Variants in NRG3 observed in about 807,000 individuals in gnomAD.
NRG3 encodes neuregulin 3.
NRG3 carries 31 observed loss-of-function variants against 66.9 expected under a neutral mutation model. The observed-to-expected ratio is 0.46, with a 90% CI of 0.35 to 0.63. The LOEUF is 0.63. Among genes scored for constraint, NRG3 ranks in the 20% least tolerant of loss-of-function variants. NRG3 has a pLI of 0.00. For missense variants in NRG3, 910 were observed against 878.9 expected, an observed-to-expected ratio of 1.04 and a Z score of -0.45; for synonymous variants, 393 against 359.4, an observed-to-expected ratio of 1.09 and a Z score of -1.06.
chr10:82,112,895 G>A (rs1277501748), intron 1 of NRG3, among the ~76,000 whole-genome samples: 1 of 152,080 alleles, frequency 6.6e-6, no homozygotes, highest in African/African-American at 2.4e-5. Context: ...TATTCTGTGT[G>A]GTTTCATGTG....
intron 1 of NRG3, among the ~76,000 whole-genome samples, chr10:82,212,982 T>C (rs537843329): frequency 3.9e-5 from 6 of 152,338 alleles, no homozygotes; most frequent in Non-Finnish European, 5.9e-5. Context: ...GGTGGATTTC[T>C]ATGGTCTTTA....
chr10:82,955,666 C>T (rs749392262), intron 5 of NRG3, among the ~76,000 whole-genome samples: 10 of 151,802 alleles, frequency 6.6e-5, no homozygotes, highest in African/African-American at 9.7e-5. Flanking sequence ...AATGTAGACA[C>T]GGTAACAACC....
At chr10:82,149,797 A>G (rs1315589399) in intron 1 of NRG3, among the ~76,000 whole-genome samples, 2 of 151,828 alleles carry the variant, frequency 1.3e-5, no homozygotes, top group Non-Finnish European at 2.9e-5. Context: ...CATGTTTCAC[A>G]CACTGTCTTG....
At chr10:82,818,208 A>G (rs1404849306) in intron 3 of NRG3, among the ~76,000 whole-genome samples, 1 of 152,190 alleles carries the variant, frequency 6.6e-6, no homozygotes, top group East Asian at 1.9e-4. Context: ...CAGCGTTGCC[A>G]TGGCATTTGT....
intron 1 of NRG3, among the ~76,000 whole-genome samples, chr10:82,024,968 A>G (rs891635267): frequency 6.6e-6 from 1 of 152,080 alleles, no homozygotes; most frequent in Non-Finnish European, 1.5e-5. Flanking sequence ...GGAGCACAGC[A>G]TCCTTCAATC....
chr10:82,952,409 G>A (rs181477640), intron 5 of NRG3, among the ~76,000 whole-genome samples: 6 of 148,634 alleles, frequency 4.0e-5, no homozygotes, highest in East Asian at 2.0e-4. Context: ...CTGCAGCCTC[G>A]GGGACAGAGT....
chr10:81,980,338 T>A (rs1034770750), intron 1 of NRG3, among the ~76,000 whole-genome samples: 1 of 152,200 alleles, frequency 6.6e-6, no homozygotes, highest in African/African-American at 2.4e-5. Flanking sequence ...AACAGTCGTC[T>A]TGTCAGTTAA....
rs529385530 is a variant in NRG3 at position 82,329,437 on chromosome 10, G to GT, written c.824-29283dup. Reference sequence around the variant, plus strand: ...TTGTTTGGTGGGTTTTTCCTTCTTGGTTTTTTTTTTTTTTTTTTTAAAGAA... The same window carrying GT: ...TTGTTTGGTGGGTTTTTCCTTCTTGGTTTTTTTTTTTTTTTTTTTTAAAGAA... On this transcript the variant is annotated intron_variant, in intron 1 of 8. Coordinates refer to ENST00000372141, the MANE Select transcript of NRG3 (RefSeq NM_001010848.4). Among the ~76,000 whole-genome samples the GT allele has an allele frequency of 5.6e-3, 634 of 112,994 alleles. 2 individuals carry two copies. Among genetic ancestry groups the GT allele is most frequent in the Middle Eastern group, 0.014 (3 of 208 alleles). 74.1% of individuals were successfully genotyped at this position (112,994 alleles called of 152,430 possible).
intron 1 of NRG3, among the ~76,000 whole-genome samples, chr10:82,227,240 A>G (rs17099652): frequency 0.12 from 18,924 of 151,956 alleles, 1,369 homozygotes; most frequent in South Asian, 0.18. Flanking sequence ...CTCTTTCCAC[A>G]TACTGGATCT....
At chr10:82,585,986 C>G (rs1023582992) in intron 2 of NRG3, among the ~76,000 whole-genome samples, 2 of 152,054 alleles carry the variant, frequency 1.3e-5, no homozygotes, top group African/African-American at 4.8e-5. Context: ...ACTTTTAGAA[C>G]TTTATACACT....
At chr10:82,665,554 A>G (rs2052702753) in intron 2 of NRG3, among the ~76,000 whole-genome samples, 1 of 152,168 alleles carries the variant, frequency 6.6e-6, no homozygotes, top group South Asian at 2.1e-4. Context: ...TGACTGGTTT[A>G]TTCAGTAATA....
At chr10:82,634,172 T>C (rs1408551311) in intron 2 of NRG3, among the ~76,000 whole-genome samples, 1 of 152,112 alleles carries the variant, frequency 6.6e-6, no homozygotes, top group Non-Finnish European at 1.5e-5. Flanking sequence ...TTTCCAAGAA[T>C]GAGCCATGTT....
intron 2 of NRG3, among the ~76,000 whole-genome samples, chr10:82,599,065 G>T (rs111300382): frequency 1.3e-5 from 2 of 152,018 alleles, no homozygotes; most frequent in African/African-American, 4.8e-5. Context: ...AGAAAAAAAA[G>T]AAGAAAGAAA....
At chr10:82,876,820 C>T (rs2136026433) in intron 4 of NRG3, among the ~76,000 whole-genome samples, 1 of 152,098 alleles carries the variant, frequency 6.6e-6, no homozygotes, top group African/African-American at 2.4e-5. Flanking sequence ...GTCATGAGTT[C>T]AAGACCAGCC....
At chr10:82,954,595 A>G (rs1001046126) in intron 5 of NRG3, among the ~76,000 whole-genome samples, 1 of 151,850 alleles carries the variant, frequency 6.6e-6, no homozygotes, top group African/African-American at 2.4e-5. Context: ...TAAAATGATG[A>G]TACAAATGGA....
At chr10:82,635,482 G>A (rs1323921560) in intron 2 of NRG3, among the ~76,000 whole-genome samples, 1 of 152,096 alleles carries the variant, frequency 6.6e-6, no homozygotes, top group African/African-American at 2.4e-5. Flanking sequence ...TCTTCTGAGG[G>A]TGCTGTAGGT....
At chr10:82,380,302 A>T (rs1268675286) in intron 2 of NRG3, among the ~76,000 whole-genome samples, 1 of 152,110 alleles carries the variant, frequency 6.6e-6, no homozygotes, top group Non-Finnish European at 1.5e-5. Flanking sequence ...TAAAACTTTT[A>T]AAAATACGTA....
chr10:82,532,486 T>C (rs886193750), intron 2 of NRG3, among the ~76,000 whole-genome samples: 15 of 148,318 alleles, frequency 1.0e-4, no homozygotes, highest in African/African-American at 3.7e-4. Context: ...TATAGTACTC[T>C]CTATATATAG....
intron 2 of NRG3, among the ~76,000 whole-genome samples, chr10:82,578,403 A>G (rs1033865802): frequency 6.6e-6 from 1 of 150,730 alleles, no homozygotes; most frequent in Non-Finnish European, 1.5e-5. Flanking sequence ...TGAAAGCTAT[A>G]TGGTTTCTGT....
Sources: allele counts gnomAD v4.1 joint callset (sites outside exome capture counted in the v4.1 genomes callset), GRCh38; gene constraint gnomAD v4.1.1; transcripts MANE v1.5; gene names NCBI Gene and HGNC (gene_info 2026-07-23, HGNC 2026-07-21).